The following BRSK2 variants were observed in gnomAD, a reference collection of about 807,000 sequenced individuals.
BRSK2 encodes the protein serine/threonine-protein kinase BRSK2.
In BRSK2, 19 loss-of-function variants were observed where a neutral mutation model predicts 83.3. The observed-to-expected ratio is 0.23, with a 90% CI of 0.16 to 0.33. The LOEUF (loss-of-function observed/expected upper bound fraction) is 0.33. Ranked by LOEUF, BRSK2 falls within the 10% of genes least tolerant of loss-of-function variation. BRSK2 has a pLI of 1.00. For synonymous variants in BRSK2, 519 were observed against 435.4 expected (o/e 1.19, Z -2.39); for missense variants, 798 against 1,042.3 (o/e 0.77, Z 3.23).
rs186303715 is a variant in BRSK2, at chr11:1,445,714, C to A, written c.1076-43C>A. ...TCCAGCCCGGCCTGCACTGCCCCAC[C>A]GGGGTCCGGGGGCTGTCTGGCCTGA... On this transcript the variant is annotated intron_variant, in intron 11 of 19. Coordinates refer to ENST00000528841, the MANE Select transcript of BRSK2 (RefSeq NM_001256627.2). The A allele has an allele frequency of 3.1e-6, 5 of 1,610,910 alleles. No homozygotes were observed. The Admixed American group carries it at 6.7e-5, about 22-fold the overall frequency.
intron 1 of BRSK2, chr11:1,410,844 C>T: frequency 1.0e-6 from 1 of 985,492 alleles, no homozygotes; most frequent in South Asian, 4.7e-5. Context: ...ACCACTGTGG[C>T]CTGAGGAGGA....
At chr11:1,449,647 C>T in intron 12 of BRSK2, 129 bp from the exon 13 acceptor site, 2 of 735,536 alleles carry the variant, frequency 2.7e-6, no homozygotes, top group South Asian at 1.9e-5. Flanking sequence ...GCAGCAGGAC[C>T]CAGGGCCTCG....
chr11:1,451,739 G>A (rs978759262), intron 15 of BRSK2, among the ~76,000 whole-genome samples: 1 of 152,170 alleles, frequency 6.6e-6, no homozygotes, highest in Non-Finnish European at 1.5e-5. Context: ...CAGAGACCGG[G>A]TCGCTCAGGT....
chr11:1,429,165 G>A (rs1373271407), intron 1 of BRSK2, among the ~76,000 whole-genome samples: 1 of 148,138 alleles, frequency 6.8e-6, no homozygotes, highest in East Asian at 2.0e-4. Context: ...TGTGTGCACG[G>A]GTGTGTGTCC....
intron 1 of BRSK2, chr11:1,409,975 G>C (rs1847250205): frequency 1.2e-5 from 1 of 83,016 alleles, no homozygotes. Flanking sequence ...CTGTGTTTTG[G>C]GGGGTTTGTG....
rs546270071 is a variant in BRSK2, at chr11:1,418,943, T to C, written c.92-17097T>C. 2.0e-5 allele frequency among the ~76,000 whole-genome samples: 3 copies of C among 152,246 alleles called. No individual in the cohort carries two copies. In the East Asian group the frequency reaches 5.8e-4, roughly 29 times the overall value. ...TTTTTCTTTTTTTTCTGTAGTGCCATAAGTGCCTGTCACTAATAGAAGCTC... is the reference window on the plus strand; with the variant it reads ...TTTTTCTTTTTTTTCTGTAGTGCCACAAGTGCCTGTCACTAATAGAAGCTC... On this transcript the variant is annotated intron_variant, in intron 1 of 19. Transcript: ENST00000528841.
At position 1,459,615 on chromosome 11, in the gene BRSK2, G is replaced by A. The variant is rs529641513; in HGVS notation, c.1987+376G>A. Among the ~76,000 whole-genome samples the A allele has an allele frequency of 2.0e-4, 31 of 152,334 alleles. No homozygotes were observed. The South Asian group carries it at 2.9e-3, about 14-fold the overall frequency. On this transcript the variant is annotated intron_variant, in intron 19 of 19. Transcript: ENST00000528841. ...CTGGAGGCTGTGCCTGGCAGGGAGC[G>A]GAGGGGCCCACAGCTCAGGGCTCAG...
chr11:1,451,453 T>C (rs1845810913), intron 15 of BRSK2, 34 bp downstream of exon 15: 1 of 1,604,414 alleles, frequency 6.2e-7, no homozygotes, highest in Non-Finnish European at 8.5e-7. Flanking sequence ...TCCTGGTACC[T>C]GACACCAGGC....
At chr11:1,393,186 G>T (rs998640780) in intron 1 of BRSK2, among the ~76,000 whole-genome samples, 1 of 152,222 alleles carries the variant, frequency 6.6e-6, no homozygotes, top group Admixed American at 6.5e-5. Flanking sequence ...CAGACACTCC[G>T]AGTTGGAGCA....
At chr11:1,434,977 G>A (rs1018102224) in intron 1 of BRSK2, among the ~76,000 whole-genome samples, 41 of 151,974 alleles carry the variant, frequency 2.7e-4, no homozygotes, top group African/African-American at 8.9e-4. Flanking sequence ...GAAAAGAGTG[G>A]GGAGAGGAGA....
rs538903636 is a variant in BRSK2, at chr11:1,447,370, G to A, written c.1226+1463G>A. Reference sequence around the variant, plus strand: ...CCTCCGGTCAGCGGCGTGGGAGGCCGCCCTCTTGGCCTCTGCTGCAACTCC... The same window carrying A: ...CCTCCGGTCAGCGGCGTGGGAGGCCACCCTCTTGGCCTCTGCTGCAACTCC... On this transcript the variant is annotated intron_variant, in intron 12 of 19. Coordinates refer to ENST00000528841, the MANE Select transcript of BRSK2 (RefSeq NM_001256627.2). Among the ~76,000 whole-genome samples the A allele has an allele frequency of 4.9e-4, 75 of 152,250 alleles. 1 individual carries two copies. The highest frequency in any genetic ancestry group is 1.4e-3 in the Admixed American group (22 of 15,306).
intron 18 of BRSK2, chr11:1,457,085 C>T (rs1378056912): frequency 4.6e-6 from 7 of 1,517,642 alleles, no homozygotes; most frequent in Admixed American, 2.0e-5. Context: ...CGGGGAGGGG[C>T]TGCGGGCAGG....
intron 1 of BRSK2, among the ~76,000 whole-genome samples, chr11:1,408,510 C>T (rs1847073004): frequency 6.6e-6 from 1 of 152,220 alleles, no homozygotes; most frequent in African/African-American, 2.4e-5. Flanking sequence ...GTCCCCCCAT[C>T]TTCCCAGGAG....
intron 1 of BRSK2, among the ~76,000 whole-genome samples, chr11:1,414,358 C>T (rs766208310): frequency 3.5e-4 from 54 of 152,162 alleles, no homozygotes; most frequent in South Asian, 1.0e-3. Flanking sequence ...CAGTGTGCTC[C>T]GGGGATCTCA....
chr11:1,457,612 C>T (rs10834795), intron 18 of BRSK2, among the ~76,000 whole-genome samples: 60,575 of 151,984 alleles, frequency 0.4, 12,676 homozygotes, highest in African/African-American at 0.5. Context: ...GGCGTGGGGG[C>T]GCTGGGCGTC....
In BRSK2 at chr11:1,390,259, C is replaced by G. The variant is rs1229466207; in HGVS notation, c.-26C>G. The G allele has an allele frequency of 2.0e-6, 2 of 1,002,252 alleles. No homozygotes were observed. The highest frequency in any genetic ancestry group is 1.8e-5 in the African/African-American group (1 of 56,868). 62.1% of individuals were successfully genotyped at this position (1,002,252 alleles called of 1,614,324 possible). ...CTCCCTGCCCGCGCGCCCGGGCGCC[C>G]CTGGCCGGCGCCGGGCCCCAGAGCG... On this transcript the variant is annotated 5_prime_UTR_variant, in exon 1 of 20. Coordinates refer to ENST00000528841, the MANE Select transcript of BRSK2 (RefSeq NM_001256627.2). This position sits in a 1 kb window ranked among gnomAD's most constrained non-coding sequence, Gnocchi z 6.8.
intron 1 of BRSK2, among the ~76,000 whole-genome samples, chr11:1,400,945 C>A (rs1158247268): frequency 6.6e-6 from 1 of 152,262 alleles, no homozygotes; most frequent in Non-Finnish European, 1.5e-5. Context: ...GACCCTCCTT[C>A]CTTCCATCCC....
In BRSK2 at chr11:1,403,127, T is replaced by G. The variant is rs568481539; in HGVS notation, c.91+12752T>G. Among the ~76,000 whole-genome samples, 16 of 152,138 alleles carry G rather than the reference T, an allele frequency of 1.1e-4. No individual in the cohort carries two copies. In the South Asian group the frequency reaches 2.7e-3, roughly 26 times the overall value. On this transcript the variant is annotated intron_variant, in intron 1 of 19. Coordinates refer to ENST00000528841, the MANE Select transcript of BRSK2 (RefSeq NM_001256627.2). ...GGTGTTGAGTTCCCCATTCCACAGC[T>G]CAACTGTGGGGTCAGCTGGCTTGGG...
chr11:1,452,407 T>C (rs1218697083), intron 15 of BRSK2, among the ~76,000 whole-genome samples: 27 of 152,242 alleles, frequency 1.8e-4, no homozygotes, highest in Admixed American at 1.8e-3. Context: ...GCCTAGGCCC[T>C]GACATTGCCG....
Sources: gnomAD v4.1 joint callset for allele counts (sites outside exome capture counted in the v4.1 genomes callset) on GRCh38, gnomAD v4.1.1 for gene constraint, Gnocchi (gnomAD v3.1) non-coding constraint, MANE v1.5 for transcripts, NCBI Gene and HGNC (gene_info 2026-07-23, HGNC 2026-07-21) for gene names.